MYO18A: variants seen among roughly 807,000 people sequenced by gnomAD.
The protein encoded by MYO18A is unconventional myosin-XVIIIa.
Under a neutral mutation model 235.8 loss-of-function variants are expected in MYO18A, and 78 were observed. The ratio of observed to expected loss-of-function variants is 0.33; its 90% CI spans 0.28 to 0.40. The LOEUF is 0.40. Ranked by LOEUF, MYO18A falls within the 10% of genes least tolerant of loss-of-function variation. The pLI, the probability that MYO18A is intolerant of heterozygous loss-of-function variation, is 1.00. For missense variants in MYO18A, 2,215 were observed against 2,699.3 expected, an observed-to-expected ratio of 0.82 and a Z score of 3.98; for synonymous variants, 977 against 1,077.8, an observed-to-expected ratio of 0.91 and a Z score of 1.83.
rs781456971 is a variant in MYO18A, at chr17:29,111,806, C to T, written c.2656G>A (p.Glu886Lys). ...TCACTGGCCCCTGGCACCAGAGCCTCCTCTTCCAATAGCCAGAGCAGGCCC... is the reference window on the plus strand; with the variant it reads ...TCACTGGCCCCTGGCACCAGAGCCTTCTCTTCCAATAGCCAGAGCAGGCCC... ...ARGLLWLLEE[E>K]ALVPGASEDT... Residue 886 changes from glutamate (E) to lysine (K), a missense_variant, in exon 16 of 42, where the codon GAG becomes AAG. Physicochemically the swap from Glu to Lys is moderately conservative, Grantham distance 56. Transcript: ENST00000527372. The surrounding 1 kb of genome is among the most constrained non-coding windows in gnomAD (Gnocchi z 5.1). 3.7e-6 allele frequency: 6 copies of T among 1,613,832 alleles called. No individual in the cohort carries two copies. In the South Asian group the frequency reaches 4.4e-5, roughly 12 times the overall value.
chr17:29,101,408 C>T lies in MYO18A; in HGVS notation c.3508-1646G>A, dbSNP rs1036214594. On this transcript the variant is annotated intron_variant, in intron 21 of 41. Transcript: ENST00000527372. ...GCAACCTCCACCTCCTGAGCTCAAG[C>T]GATTCTCATGCCTCAGCCTCCCGAG... Among the ~76,000 whole-genome samples, 10 of 152,148 alleles carry T rather than the reference C, an allele frequency of 6.6e-5. No homozygotes were observed. The East Asian group carries it at 7.7e-4, about 12-fold the overall frequency.
chr17:29,098,778 A>T (rs1304934689), intron 23 of MYO18A, 48 bp downstream of exon 23: 1 of 1,607,662 alleles, frequency 6.2e-7, no homozygotes, highest in Non-Finnish European at 8.5e-7. Flanking sequence ...ATAAACCAGC[A>T]AGGCTTCCCC....
intron 39 of MYO18A, among the ~76,000 whole-genome samples, chr17:29,085,926 C>A (rs1271994605): frequency 6.6e-6 from 1 of 152,210 alleles, no homozygotes; most frequent in Non-Finnish European, 1.5e-5. Flanking sequence ...GGGAAGGGGG[C>A]AGATCTAGGG....
chr17:29,113,506 A>G (rs1379601371), intron 15 of MYO18A, among the ~76,000 whole-genome samples: 1 of 152,196 alleles, frequency 6.6e-6, no homozygotes, highest in African/African-American at 2.4e-5. Flanking sequence ...AGTCCCCCAG[A>G]GGGCGTCTGA....
At chr17:29,170,038 T>G (rs2068367589) in intron 1 of MYO18A, among the ~76,000 whole-genome samples, 1 of 152,180 alleles carries the variant, frequency 6.6e-6, no homozygotes, top group South Asian at 2.1e-4. Flanking sequence ...ATTTGGTATC[T>G]AGGCCTGGAT....
chr17:29,073,095 A>AAGAGAGAGAGAG lies in MYO18A; in HGVS notation c.*1663_*1674dup, dbSNP rs10643227. On this transcript the variant is annotated 3_prime_UTR_variant, in exon 42 of 42. Coordinates refer to ENST00000527372, the MANE Select transcript of MYO18A (RefSeq NM_078471.4). ...AAAAAGAAAGAGAATGAAAGAAAGA[A>AAGAGAGAGAGAG]AGAGAGAGAGAGAGGGAGAGAGGGA... is the stretch of plus-strand genomic sequence containing the variant. 1 of 150,608 alleles carries AAGAGAGAGAGAG rather than the reference A, an allele frequency of 6.6e-6. No homozygotes were observed. Among genetic ancestry groups the AAGAGAGAGAGAG allele is most frequent in the Admixed American group, 6.6e-5 (1 of 15,180 alleles). The allele number at this position is 150,608 out of a possible 1,614,324, so 9.3% of individuals were successfully genotyped here.
Position 29,121,708 on chromosome 17 carries a change from A to C in MYO18A, c.1210T>G (p.Cys404Gly). The stretch of plus-strand genomic sequence containing the variant: ...GAGGCCAGATCCTCCAGACGGTCGC[A>C]GGAGGGAGCATTAGCCTGTGTGGGA... ...DDVEKANAPS[C>G]DRLEDLASLV... Residue 404 changes from cysteine to glycine, a missense_variant, in exon 5 of 42, where the codon TGC becomes GGC. By Grantham distance (159) the Cys-to-Gly change is radical. Transcript: ENST00000527372. This position sits in a 1 kb window ranked among gnomAD's most constrained non-coding sequence, Gnocchi z 4.2. The C allele has an allele frequency of 6.4e-7, 1 of 1,569,034 alleles. No homozygotes were observed. The highest frequency in any genetic ancestry group is 8.6e-7 in the Non-Finnish European group (1 of 1,156,990).
intron 11 of MYO18A, 124 bp downstream of exon 11, chr17:29,116,320 C>G: frequency 1.8e-6 from 2 of 1,092,260 alleles, no homozygotes; most frequent in South Asian, 1.3e-5. Context: ...CCACTGATGG[C>G]CCAACAGTGG....
chr17:29,130,318 A>AG (rs1275001220), intron 2 of MYO18A, among the ~76,000 whole-genome samples: 1 of 151,338 alleles, frequency 6.6e-6, no homozygotes, highest in Non-Finnish European at 1.5e-5. Flanking sequence ...AAAAAAAAAA[A>AG]AAAAAGAAAA....
At chr17:29,108,551 G>A (rs2066848776) in intron 19 of MYO18A, among the ~76,000 whole-genome samples, 2 of 152,226 alleles carry the variant, frequency 1.3e-5, no homozygotes. Context: ...GGCTGCTGCT[G>A]GGGGCAGAAC....
chr17:29,105,825 C>G (rs1039530554), intron 20 of MYO18A, among the ~76,000 whole-genome samples: 4 of 152,072 alleles, frequency 2.6e-5, no homozygotes, highest in Admixed American at 2.6e-4. Flanking sequence ...GACCATGAAC[C>G]TGTAGGAAGT....
At chr17:29,101,518 G>A (rs778933577) in intron 21 of MYO18A, among the ~76,000 whole-genome samples, 8 of 151,988 alleles carry the variant, frequency 5.3e-5, no homozygotes, top group Non-Finnish European at 1.2e-4. Flanking sequence ...TGTTGCCCAG[G>A]GTGGTCTCAA....
In MYO18A at chr17:29,090,075, C is replaced by T. The variant is rs1425244804; in HGVS notation, c.5412G>A (p.Val1804=). The part of the protein sequence containing the change: ...QEKLQALQSQ[V]EFLEQSMVDK... Reference sequence around the variant, plus strand: ...CCACCATGGACTGCTCCAGGAACTCCACCTGGCTCTGGAGGGCTTGTAGCT... The same window carrying T: ...CCACCATGGACTGCTCCAGGAACTCTACCTGGCTCTGGAGGGCTTGTAGCT... The change falls in exon 37 of 42, where the codon GTG becomes GTA. Residue 1804 remains valine (V), a synonymous_variant. Transcript: ENST00000527372. 2 of 1,613,336 alleles carry T rather than the reference C, an allele frequency of 1.2e-6. No individual in the cohort carries two copies. Among genetic ancestry groups the T allele is most frequent in the South Asian group, 1.1e-5 (1 of 90,932 alleles).
intron 2 of MYO18A, among the ~76,000 whole-genome samples, chr17:29,154,315 C>T (rs1302763648): frequency 1.3e-5 from 2 of 152,008 alleles, no homozygotes; most frequent in Non-Finnish European, 2.9e-5. Flanking sequence ...TCACCTCCCT[C>T]GAGGGAGGGC....
At chr17:29,098,488 G>T in intron 23 of MYO18A, 43 bp from the exon 24 acceptor site, 1 of 1,605,246 alleles carries the variant, frequency 6.2e-7, no homozygotes, top group South Asian at 1.1e-5. Flanking sequence ...AAGGCACTGC[G>T]AGGGATTGGG....
chr17:29,087,889 A>C (rs541882131), intron 37 of MYO18A, among the ~76,000 whole-genome samples: 22 of 151,914 alleles, frequency 1.4e-4, no homozygotes, highest in Admixed American at 1.3e-3. Flanking sequence ...AGAGAAAAGG[A>C]GACAAGTCCT....
chr17:29,103,770 T>C, intron 20 of MYO18A, 106 bp from the exon 21 acceptor site: 1 of 1,081,940 alleles, frequency 9.2e-7, no homozygotes, highest in East Asian at 2.5e-5. Context: ...AGACAGTCTG[T>C]TATTCATGCA....
At chr17:29,095,365 T>C (rs114468013) in intron 28 of MYO18A, among the ~76,000 whole-genome samples, 3,489 of 152,296 alleles carry the variant, frequency 0.023, 117 homozygotes, top group African/African-American at 0.079. Flanking sequence ...ACATTTTCCA[T>C]TTCAACACAT....
At chr17:29,123,479 T>C (rs2067248848) in intron 2 of MYO18A, among the ~76,000 whole-genome samples, 1 of 152,184 alleles carries the variant, frequency 6.6e-6, no homozygotes. Context: ...ATAAGAAGTA[T>C]GTTCTTTGTC....
Sources: gnomAD v4.1 joint callset for allele counts (sites outside exome capture counted in the v4.1 genomes callset) on GRCh38, gnomAD v4.1.1 for gene constraint, Gnocchi (gnomAD v3.1) non-coding constraint, MANE v1.5 for transcripts, NCBI Gene and HGNC (gene_info 2026-07-23, HGNC 2026-07-21) for gene names.